MATR3: variants seen among roughly 807,000 people sequenced by gnomAD.
MATR3 encodes matrin 3, also known as matrin-3.
In MATR3, 4 loss-of-function variants were observed where a neutral mutation model predicts 85.5. The ratio of observed to expected loss-of-function variants is 0.05; its 90% CI spans 0.02 to 0.11. MATR3 has a LOEUF of 0.11. Among genes scored for constraint, MATR3 ranks in the 10% least tolerant of loss-of-function variants. The pLI, the probability that MATR3 is intolerant of heterozygous loss-of-function variation, is 1.00. For synonymous variants in MATR3, 336 were observed against 343.1 expected, an observed-to-expected ratio of 0.98 and a Z score of 0.23; for missense variants, 685 against 1,016.1, an observed-to-expected ratio of 0.67 and a Z score of 4.43.
chr5:139,276,281 A>G (rs1214142006), intron 2 of MATR3: 5 of 452,152 alleles, frequency 1.1e-5, no homozygotes, highest in African/African-American at 2.0e-5. Flanking sequence ...GCCCTGGTTC[A>G]TGCCAACTCT....
chr5:139,318,523 T>G (rs761369317), intron 7 of MATR3, among the ~76,000 whole-genome samples: 1 of 152,160 alleles, frequency 6.6e-6, no homozygotes, highest in Non-Finnish European at 1.5e-5. Context: ...CACTGCAGCC[T>G]CCACCTCCCA....
In MATR3 at chr5:139,277,761, CTT is replaced by C. The variant is rs35759733; in HGVS notation, c.-256-1272_-256-1271del. 6.1e-3 allele frequency among the ~76,000 whole-genome samples: 780 copies of C among 128,014 alleles called. 8 individuals are homozygous for C. Among genetic ancestry groups the C allele is most frequent in the African/African-American group, 0.019 (663 of 35,050 alleles). The allele number at this position is 128,014 out of a possible 152,430, so 84.0% of individuals were successfully genotyped here. On this transcript the variant is annotated intron_variant, in intron 2 of 16. Coordinates refer to ENST00000509990, the Ensembl canonical transcript of MATR3. ...TGGGAAATATATCATGTCTGCTCGT[CTT>C]TTTTTTTTTTTTTTTTTAATTGACA...
chr5:139,289,806 A>C (rs1232722351), upstream of MATR3, among the ~76,000 whole-genome samples: 1 of 152,136 alleles, frequency 6.6e-6, no homozygotes, highest in East Asian at 1.9e-4. Flanking sequence ...TCATAGCCAA[A>C]ATTTTCTGCA....
intron 2 of MATR3, among the ~76,000 whole-genome samples, chr5:139,276,937 G>A (rs1332292765): frequency 1.3e-5 from 2 of 152,086 alleles, no homozygotes; most frequent in Admixed American, 1.3e-4. Flanking sequence ...GGGGCTCTGG[G>A]AACTGAACAA....
At chr5:139,321,392 G>GA (rs1410030280) in intron 9 of MATR3, among the ~76,000 whole-genome samples, 3 of 152,070 alleles carry the variant, frequency 2.0e-5, no homozygotes, top group Admixed American at 6.5e-5. Context: ...GACCTCAGGT[G>GA]AGCCACCCGC....
Position 139,331,337 on chromosome 5 carries a change from A to G in MATR3, c.*1942A>G, listed in dbSNP as rs924175493. ...CTGTTTAATTCCAATTTTTAACAGC[A>G]GGTACATAAAGCATTATGTGCACAA... is the stretch of plus-strand genomic sequence containing the variant. On this transcript the variant is annotated 3_prime_UTR_variant, in exon 15 of 15. Coordinates refer to ENST00000394805, the MANE Select transcript of MATR3 (RefSeq NM_018834.6). 8.8e-6 allele frequency: 4 copies of G among 454,046 alleles called. No homozygotes were observed. Among genetic ancestry groups the G allele is most frequent in the African/African-American group, 8.0e-5 (4 of 50,022 alleles). 28.1% of individuals were successfully genotyped at this position (454,046 alleles called of 1,614,324 possible). A position where few individuals can be genotyped will look rare whatever the true frequency, so the allele number is the denominator to read the frequency against.
At chr5:139,309,273 C>G (rs962724653) in intron 2 of MATR3, among the ~76,000 whole-genome samples, 3 of 152,166 alleles carry the variant, frequency 2.0e-5, no homozygotes, top group African/African-American at 7.2e-5. Flanking sequence ...TAGCACCCCA[C>G]TAGCTTGATC....
Position 139,325,488 on chromosome 5 carries a change from A to G in MATR3, c.2197A>G (p.Asn733Asp), listed in dbSNP as rs571481331. The change falls in exon 13 of 15, where the codon AAT becomes GAT. Residue 733 changes from asparagine (N) to aspartate (D), a missense_variant. Asn to Asp is a conservative substitution (Grantham distance 23). Transcript: ENST00000394805. Reference sequence around the variant, plus strand: ...TCAAGAAAACGAAGCAGCGTTGGAAAATGGAATTAAAAATGAGGAAAACAC... The same window carrying G: ...TCAAGAAAACGAAGCAGCGTTGGAAGATGGAATTAAAAATGAGGAAAACAC... ...LDQENEAALE[N>D]GIKNEENTEP... The G allele has an allele frequency of 6.2e-7, 1 of 1,614,220 alleles. No homozygotes were observed. Among genetic ancestry groups the G allele is most frequent in the African/African-American group, 1.3e-5 (1 of 75,058 alleles).
At chr5:139,309,462 AT>A (rs776039832) in intron 2 of MATR3, among the ~76,000 whole-genome samples, 20 of 151,426 alleles carry the variant, frequency 1.3e-4, no homozygotes, top group Non-Finnish European at 2.2e-4. Flanking sequence ...ATGAGTATGG[AT>A]TTTTTTTTAG....
intron 9 of MATR3, among the ~76,000 whole-genome samples, chr5:139,321,433 T>G (rs899016317): frequency 4.0e-5 from 6 of 149,522 alleles, no homozygotes; most frequent in African/African-American, 1.5e-4. Flanking sequence ...GGATTACAGG[T>G]GTGAGCCACT....
chr5:139,325,483 T>G lies in MATR3; in HGVS notation c.2192T>G (p.Leu731Trp). The G allele has an allele frequency of 2.5e-6, 4 of 1,614,190 alleles. No individual in the cohort carries two copies. The highest frequency in any genetic ancestry group is 2.5e-6 in the Non-Finnish European group (3 of 1,180,040). Reference sequence around the variant, plus strand: ...CTTGATCAAGAAAACGAAGCAGCGTTGGAAAATGGAATTAAAAATGAGGAA... The same window carrying G: ...CTTGATCAAGAAAACGAAGCAGCGTGGGAAAATGGAATTAAAAATGAGGAA... ...EELDQENEAA[L>W]ENGIKNEENT... The change falls in exon 13 of 15, where the codon TTG (leucine) becomes TGG (tryptophan). Residue 731 changes from leucine to tryptophan, a missense_variant. By Grantham distance (61) the Leu-to-Trp change is moderately conservative (BLOSUM62 -2). This residue lies in a region of MATR3 where 215 missense variants were observed against 194.7 expected (regional missense o/e 1.10). Coordinates refer to ENST00000394805, the MANE Select transcript of MATR3 (RefSeq NM_018834.6).
intron 2 of MATR3, chr5:139,278,956 A>G (rs1561917851): frequency 1.9e-6 from 1 of 516,906 alleles, no homozygotes; most frequent in Non-Finnish European, 3.9e-6. Context: ...TGTGGAGTTG[A>G]TCCTAGTCTG....
chr5:139,319,045 T>G lies in MATR3; in HGVS notation c.1434+12T>G. ...ATAAAAGAATAAAGGTAATGTTTAT[T>G]TTTTTCAAGCTGTATATCAGTTTAA... On this transcript the variant is annotated intron_variant, in intron 8 of 14. Coordinates refer to ENST00000394805, the MANE Select transcript of MATR3 (RefSeq NM_018834.6). 1.2e-6 allele frequency: 2 copies of G among 1,608,454 alleles called. No individual in the cohort carries two copies. The highest frequency in any genetic ancestry group is 1.7e-6 in the Non-Finnish European group (2 of 1,175,024).
At chr5:139,302,096 T>C (rs1391389037) in intron 1 of MATR3, among the ~76,000 whole-genome samples, 3 of 152,192 alleles carry the variant, frequency 2.0e-5, no homozygotes, top group Non-Finnish European at 4.4e-5. Flanking sequence ...TTCTATTGTA[T>C]GATGACACAT....
intron 1 of MATR3, among the ~76,000 whole-genome samples, chr5:139,295,539 C>T (rs1007794850): frequency 6.6e-6 from 1 of 152,210 alleles, no homozygotes; most frequent in African/African-American, 2.4e-5. Flanking sequence ...TTTTATATCA[C>T]ATTTTGAACT....
intron 3 of MATR3, among the ~76,000 whole-genome samples, chr5:139,287,893 G>A (rs1367659959): frequency 6.6e-6 from 1 of 152,078 alleles, no homozygotes; most frequent in African/African-American, 2.4e-5. Flanking sequence ...TCATGAAATA[G>A]GCATTTGATG....
chr5:139,321,439 C>A (rs1755563331), intron 9 of MATR3, among the ~76,000 whole-genome samples: 1 of 149,802 alleles, frequency 6.7e-6, no homozygotes, highest in Non-Finnish European at 1.5e-5. Context: ...CAGGTGTGAG[C>A]CACTGCGCCC....
chr5:139,296,996 C>T (rs1204158908), intron 1 of MATR3, among the ~76,000 whole-genome samples: 1 of 152,120 alleles, frequency 6.6e-6, no homozygotes, highest in African/African-American at 2.4e-5. Context: ...CATGGCGAAA[C>T]CCCATTTCTA....
At chr5:139,328,744 G>A (rs1359550999) in intron 14 of MATR3, among the ~76,000 whole-genome samples, 1 of 152,214 alleles carries the variant, frequency 6.6e-6, no homozygotes, top group Non-Finnish European at 1.5e-5. Flanking sequence ...GCTCTTGCCT[G>A]TAATCCCAGC....
Sources: allele counts gnomAD v4.1 joint callset (sites outside exome capture counted in the v4.1 genomes callset), GRCh38; gene constraint gnomAD v4.1.1; regional missense constraint gnomAD v4.1.1; transcripts MANE v1.5; gene names NCBI Gene and HGNC (gene_info 2026-07-23, HGNC 2026-07-21).